BCKDHB: variants seen among roughly 807,000 people sequenced by gnomAD.
BCKDHB encodes 2-oxoisovalerate dehydrogenase subunit beta, mitochondrial.
In BCKDHB, 41 loss-of-function variants were observed where a neutral mutation model predicts 48.5. The observed-to-expected ratio is 0.85, with a 90% CI of 0.66 to 1.10. The LOEUF is 1.10. BCKDHB is among the 50% of genes least tolerant of loss of function. The pLI is 0.00. For missense variants in BCKDHB, 496 were observed against 494.2 expected, an observed-to-expected ratio of 1.00 and a Z score of -0.03; for synonymous variants, 201 against 174.8, an observed-to-expected ratio of 1.15 and a Z score of -1.18.
At chr6:80,423,547 C>T in the BCKDHB span, among the ~76,000 whole-genome samples, 5,554 of 152,264 alleles carry the variant, frequency 0.036, 352 homozygotes, top group African/African-American at 0.13. Context: ...ATTTGGGTTA[C>T]ATAGTTATCC....
At chr6:80,397,864 C>T in the BCKDHB span, among the ~76,000 whole-genome samples, 1 of 152,072 alleles carries the variant, frequency 6.6e-6, no homozygotes, top group Non-Finnish European at 1.5e-5. Context: ...GGAGACAGAG[C>T]AAGACTCTGT....
Position 80,169,251 on chromosome 6 carries a change from A to G in BCKDHB, c.633+221A>G, listed in dbSNP as rs112096071. The stretch of plus-strand genomic sequence containing the variant: ...TTCTTTTTGAAGGAGGACTGGTTTT[A>G]TAAACTCTGGCATTGATTAATTTTA... On this transcript the variant is annotated intron_variant, in intron 5 of 9. Transcript: ENST00000320393. Among the ~76,000 whole-genome samples, 263 of 152,304 alleles carry G rather than the reference A, an allele frequency of 1.7e-3. 1 individual carries two copies. Among genetic ancestry groups the G allele is most frequent in the African/African-American group, 6.0e-3 (249 of 41,576 alleles).
In BCKDHB at chr6:80,225,490, A is replaced by G. The variant is rs142260814; in HGVS notation, c.951+22278A>G. Among the ~76,000 whole-genome samples, 11 of 152,302 alleles carry G rather than the reference A, an allele frequency of 7.2e-5. No individual in the cohort carries two copies. The East Asian group carries it at 1.9e-3, about 27-fold the overall frequency. On this transcript the variant is annotated intron_variant, in intron 8 of 9. Transcript: ENST00000320393. ...TTAACAGCACTATTATGAAATATCAACTATAAAATATAGGGCATATTACAG... is the reference window on the plus strand; with the variant it reads ...TTAACAGCACTATTATGAAATATCAGCTATAAAATATAGGGCATATTACAG...
In BCKDHB at chr6:80,169,075, C is replaced by G. The variant is rs115983999; in HGVS notation, c.633+45C>G. The G allele has an allele frequency of 4.0e-4, 641 of 1,589,576 alleles. 2 individuals are homozygous for G. The African/African-American group carries it at 7.7e-3, about 19-fold the overall frequency. ...TTATTTGATTTCTATTTGATGTTTC[C>G]ATTTTGATTCATTCTATTTAATATC... On this transcript the variant is annotated intron_variant, in intron 5 of 9. Coordinates refer to ENST00000320393, the MANE Select transcript of BCKDHB (RefSeq NM_183050.4).
chr6:80,357,614 T>C, the BCKDHB span, among the ~76,000 whole-genome samples: 2 of 152,228 alleles, frequency 1.3e-5, no homozygotes, highest in Non-Finnish European at 2.9e-5. Flanking sequence ...TTTAACTACA[T>C]ACAAAACTTC....
chr6:80,247,362 T>C (rs1177094383), intron 8 of BCKDHB, among the ~76,000 whole-genome samples: 3 of 152,232 alleles, frequency 2.0e-5, no homozygotes, highest in African/African-American at 7.2e-5. Flanking sequence ...TTAAATCTTA[T>C]TACCTAGACC....
At chr6:80,142,367 G>A (rs1771264499) in intron 3 of BCKDHB, among the ~76,000 whole-genome samples, 1 of 151,962 alleles carries the variant, frequency 6.6e-6, no homozygotes, top group Admixed American at 6.6e-5. Flanking sequence ...TATTGCTCAG[G>A]TTGAATGTCA....
At position 80,175,081 on chromosome 6, in the gene BCKDHB, C is replaced by T. The variant is rs187500298; in HGVS notation, c.742+3691C>T. 1.8e-3 allele frequency among the ~76,000 whole-genome samples: 281 copies of T among 152,242 alleles called. 1 individual carries two copies. Among genetic ancestry groups the T allele is most frequent in the African/African-American group, 5.5e-3 (228 of 41,540 alleles). On this transcript the variant is annotated intron_variant, in intron 6 of 9. Coordinates refer to ENST00000320393, the MANE Select transcript of BCKDHB (RefSeq NM_183050.4). ...AGGGCTAGTGTGATAGTTCCTCAGT[C>T]ATCAAGGTACCGGGCCTCTTCTCTC...
the BCKDHB span, among the ~76,000 whole-genome samples, chr6:80,374,768 G>T: frequency 6.6e-6 from 1 of 152,132 alleles, no homozygotes; most frequent in East Asian, 1.9e-4. Context: ...GCTTTAAGGA[G>T]ATTTTATTTT....
chr6:80,407,541 G>T, the BCKDHB span, among the ~76,000 whole-genome samples: 1 of 152,244 alleles, frequency 6.6e-6, no homozygotes, highest in East Asian at 1.9e-4. Flanking sequence ...ATTGAGCAGT[G>T]GTTTGTAGTT....
chr6:80,393,108 C>T, the BCKDHB span, among the ~76,000 whole-genome samples: 1 of 151,978 alleles, frequency 6.6e-6, no homozygotes, highest in Non-Finnish European at 1.5e-5. Flanking sequence ...AGCTAGAGTT[C>T]CCTCATGAGC....
intron 8 of BCKDHB, among the ~76,000 whole-genome samples, chr6:80,264,463 G>A (rs1777431793): frequency 6.6e-6 from 1 of 152,134 alleles, no homozygotes; most frequent in East Asian, 1.9e-4. Context: ...ATGAGGCTCA[G>A]AGGTTTTCTA....
chr6:80,355,206 C>A, the BCKDHB span, among the ~76,000 whole-genome samples: 1 of 151,882 alleles, frequency 6.6e-6, no homozygotes, highest in African/African-American at 2.4e-5. Flanking sequence ...TCGAGACTAG[C>A]CTGGCCAACA....
At chr6:80,424,950 C>T in the BCKDHB span, among the ~76,000 whole-genome samples, 1 of 152,124 alleles carries the variant, frequency 6.6e-6, no homozygotes, top group African/African-American at 2.4e-5. Context: ...TTTGAAGCTG[C>T]TTGGTGTGGA....
the BCKDHB span, among the ~76,000 whole-genome samples, chr6:80,429,317 CT>C: frequency 1.3e-5 from 2 of 152,138 alleles, no homozygotes; most frequent in African/African-American, 4.8e-5. Flanking sequence ...ATGCCTCCAG[CT>C]TTGTTCTTTT....
chr6:80,452,090 G>T, the BCKDHB span, among the ~76,000 whole-genome samples: 3 of 152,260 alleles, frequency 2.0e-5, no homozygotes, highest in African/African-American at 7.2e-5. Context: ...TTGCTGGAGT[G>T]GTCACAATAT....
At chr6:80,384,746 A>G in the BCKDHB span, among the ~76,000 whole-genome samples, 2 of 152,136 alleles carry the variant, frequency 1.3e-5, no homozygotes, top group Non-Finnish European at 2.9e-5. Context: ...CATGTAAGTC[A>G]ATACTCAATA....
chr6:80,347,711 C>CT (rs1237041449), downstream of BCKDHB, among the ~76,000 whole-genome samples: 3 of 152,226 alleles, frequency 2.0e-5, no homozygotes, highest in South Asian at 4.1e-4. Flanking sequence ...TTGAAAGCCT[C>CT]TTTTCACCTC....
At chr6:80,360,737 G>A in the BCKDHB span, among the ~76,000 whole-genome samples, 1 of 152,074 alleles carries the variant, frequency 6.6e-6, no homozygotes, top group African/African-American at 2.4e-5. Context: ...CAGGTACAGT[G>A]GCTCATGCCT....
Sources: gnomAD v4.1 joint callset for allele counts (sites outside exome capture counted in the v4.1 genomes callset) on GRCh38, gnomAD v4.1.1 for gene constraint, MANE v1.5 for transcripts, NCBI Gene and HGNC (gene_info 2026-07-23, HGNC 2026-07-21) for gene names.